GPR15LG: variants seen among roughly 807,000 people sequenced by gnomAD.
GPR15LG encodes protein GPR15LG.
the GPR15LG span, among the ~76,000 whole-genome samples, chr10:84,175,749 T>C: frequency 1.3e-5 from 2 of 152,132 alleles, no homozygotes; most frequent in Non-Finnish European, 2.9e-5. Flanking sequence ...CAAGCCATCC[T>C]CCCACCTTGG....
the GPR15LG span, among the ~76,000 whole-genome samples, chr10:84,177,816 C>T: frequency 3.3e-5 from 5 of 152,194 alleles, no homozygotes; most frequent in African/African-American, 1.2e-4. Context: ...AGGTGAAAAC[C>T]TTCCAGAGAG....
chr10:84,183,114 C>A, the GPR15LG span, among the ~76,000 whole-genome samples: 436 of 152,020 alleles, frequency 2.9e-3, 2 homozygotes, highest in African/African-American at 0.01. Flanking sequence ...AAATTTATTT[C>A]TTTGTATAGC....
the GPR15LG span, among the ~76,000 whole-genome samples, chr10:84,183,649 TA>T: frequency 6.6e-6 from 1 of 151,806 alleles, no homozygotes; most frequent in African/African-American, 2.4e-5. Flanking sequence ...TATTGTTTAT[TA>T]TTTATTTTTT....
At chr10:84,176,577 C>A in the GPR15LG span, 1 of 1,607,832 alleles carries the variant, frequency 6.2e-7, no homozygotes, top group East Asian at 2.2e-5. Flanking sequence ...AAGGTAAGTA[C>A]CCCCACCTCG....
chr10:84,175,564 G>T, the GPR15LG span, among the ~76,000 whole-genome samples: 2 of 152,206 alleles, frequency 1.3e-5, no homozygotes, highest in Non-Finnish European at 2.9e-5. Flanking sequence ...GAGTGCAGTG[G>T]CATGACCACG....
the GPR15LG span, chr10:84,176,630 G>T: frequency 5.9e-6 from 7 of 1,191,560 alleles, no homozygotes; most frequent in Admixed American, 8.5e-5. Context: ...CATGGGACCA[G>T]CCACACACAC....
the GPR15LG span, among the ~76,000 whole-genome samples, chr10:84,182,887 G>C: frequency 6.6e-6 from 1 of 152,134 alleles, no homozygotes; most frequent in Non-Finnish European, 1.5e-5. Flanking sequence ...AGGATCAGGG[G>C]TCAGGAAATC....
chr10:84,181,263 G>A, the GPR15LG span, among the ~76,000 whole-genome samples: 3 of 148,854 alleles, frequency 2.0e-5, no homozygotes, highest in Middle Eastern at 3.2e-3. Context: ...TTTTTAAGTA[G>A]AGGCAGGGTT....
At chr10:84,173,828 G>A in the GPR15LG span, 5 of 1,573,192 alleles carry the variant, frequency 3.2e-6, no homozygotes, top group South Asian at 5.5e-5. Flanking sequence ...CCCTTCCCAG[G>A]ACGTGAAAAT....
the GPR15LG span, chr10:84,184,902 G>A: frequency 6.7e-7 from 1 of 1,495,510 alleles, no homozygotes; most frequent in African/African-American, 1.4e-5. Flanking sequence ...GGGCTGCAAG[G>A]ACCCTGGGAA....
At chr10:84,178,709 T>A in the GPR15LG span, among the ~76,000 whole-genome samples, 1 of 152,222 alleles carries the variant, frequency 6.6e-6, no homozygotes, top group African/African-American at 2.4e-5. Flanking sequence ...CCCGTGCAAG[T>A]ACACGTGCAT....
At chr10:84,183,232 A>G in the GPR15LG span, among the ~76,000 whole-genome samples, 1 of 152,238 alleles carries the variant, frequency 6.6e-6, no homozygotes, top group African/African-American at 2.4e-5. Flanking sequence ...TCTCACTTCT[A>G]CAAATGAGGC....
At chr10:84,175,886 T>C in the GPR15LG span, among the ~76,000 whole-genome samples, 1 of 152,134 alleles carries the variant, frequency 6.6e-6, no homozygotes, top group Non-Finnish European at 1.5e-5. Context: ...TTTTCTTTTT[T>C]TCTTTTTTTT....
At chr10:84,176,395 C>A in the GPR15LG span, 2 of 942,768 alleles carry the variant, frequency 2.1e-6, no homozygotes, top group Non-Finnish European at 3.5e-6. Context: ...GATAAATATT[C>A]CTGAGCCCTG....
At chr10:84,178,453 C>T in the GPR15LG span, among the ~76,000 whole-genome samples, 1 of 151,644 alleles carries the variant, frequency 6.6e-6, no homozygotes, top group East Asian at 1.9e-4. Flanking sequence ...CACATAAATA[C>T]ATACACACAA....
the GPR15LG span, chr10:84,176,692 T>A: frequency 1.5e-6 from 1 of 645,694 alleles, no homozygotes. Context: ...GAGGACATCT[T>A]TGTTTTGTTG....
chr10:84,176,682 G>T, the GPR15LG span: 1 of 693,320 alleles, frequency 1.4e-6, no homozygotes, highest in Non-Finnish European at 2.5e-6. Flanking sequence ...CTCTGGCTGG[G>T]AGGACATCTT....
At chr10:84,180,955 A>G in the GPR15LG span, among the ~76,000 whole-genome samples, 98,644 of 152,144 alleles carry the variant, frequency 0.65, 33,745 homozygotes, top group African/African-American at 0.85. Flanking sequence ...GTGTGGCAGC[A>G]CGCGCCTGCA....
At chr10:84,177,421 G>A in the GPR15LG span, among the ~76,000 whole-genome samples, 3 of 152,164 alleles carry the variant, frequency 2.0e-5, no homozygotes, top group Non-Finnish European at 2.9e-5. Context: ...TGGGGCTCCT[G>A]CCTGAACTCT....
Sources: allele counts gnomAD v4.1 joint callset (sites outside exome capture counted in the v4.1 genomes callset), GRCh38; gene constraint gnomAD v4.1.1; transcripts MANE v1.5; gene names NCBI Gene and HGNC (gene_info 2026-07-23, HGNC 2026-07-21).